Variants in RAPGEF4 observed in about 807,000 individuals in gnomAD.
RAPGEF4 encodes RAP guanine-nucleotide-exchange factor (GEF) 4.
In RAPGEF4, 66 loss-of-function variants were observed where a neutral mutation model predicts 147.9. The ratio of observed to expected loss-of-function variants is 0.45; its 90% confidence interval spans 0.37 to 0.55. The LOEUF is 0.55. Ranked by LOEUF, RAPGEF4 falls within the 20% of genes least tolerant of loss-of-function variation. RAPGEF4 has a pLI of 0.00. For missense variants in RAPGEF4, 1,071 were observed against 1,257.3 expected (o/e 0.85, Z 2.24); for synonymous variants, 419 against 442.7 (o/e 0.95, Z 0.67).
chr2:172,860,394 G>T, intron 4 of RAPGEF4: 1 of 872,146 alleles, frequency 1.1e-6, no homozygotes, highest in Non-Finnish European at 1.4e-6. Context: ...GAAGCCTCAA[G>T]CATGTTTATT....
intron 30 of RAPGEF4, among the ~76,000 whole-genome samples, chr2:173,048,875 G>A (rs1436971486): frequency 1.3e-5 from 2 of 152,106 alleles, no homozygotes; most frequent in Non-Finnish European, 2.9e-5. Flanking sequence ...AATCACCATA[G>A]GAATATTATT....
chr2:172,766,770 C>T (rs1232278899), intron 1 of RAPGEF4, among the ~76,000 whole-genome samples: 1 of 152,086 alleles, frequency 6.6e-6, no homozygotes, highest in Non-Finnish European at 1.5e-5. Context: ...TAAATGGAAT[C>T]GTTTAATAGA....
chr2:172,919,922 A>G (rs925159257), intron 5 of RAPGEF4, among the ~76,000 whole-genome samples: 1 of 151,842 alleles, frequency 6.6e-6, no homozygotes, highest in Non-Finnish European at 1.5e-5. Context: ...CTTCCTTTGC[A>G]TGTTCACAGT....
At chr2:172,871,358 T>C (rs1223479656) in intron 4 of RAPGEF4, among the ~76,000 whole-genome samples, 1 of 152,200 alleles carries the variant, frequency 6.6e-6, no homozygotes, top group Admixed American at 6.5e-5. Context: ...GTGAGAAAGC[T>C]GACTCAAGGG....
At chr2:172,924,026 T>A (rs1467067077) in intron 6 of RAPGEF4, among the ~76,000 whole-genome samples, 1 of 152,212 alleles carries the variant, frequency 6.6e-6, no homozygotes, top group Non-Finnish European at 1.5e-5. Flanking sequence ...ATAAAGATTC[T>A]AAAGGAACAA....
At chr2:173,033,794 T>C (rs2105992322) in intron 26 of RAPGEF4, 120 bp from the exon 27 acceptor site, 1 of 881,824 alleles carries the variant, frequency 1.1e-6, no homozygotes, top group East Asian at 2.6e-5. Context: ...GTCTGGCCTG[T>C]CTCAGAGATG....
intron 1 of RAPGEF4, chr2:172,744,074 CTATTT>C (rs1463211284): frequency 1.1e-5 from 2 of 176,154 alleles, no homozygotes; most frequent in African/African-American, 4.8e-5. Flanking sequence ...TCTTGCTTTA[CTATTT>C]TATTTATGAT....
chr2:172,891,554 G>A (rs1697914288), intron 4 of RAPGEF4, among the ~76,000 whole-genome samples: 1 of 152,192 alleles, frequency 6.6e-6, no homozygotes, highest in African/African-American at 2.4e-5. Context: ...AAGTGTGACT[G>A]ATTCTAAGAA....
chr2:172,835,776 A>G (rs1690856638), intron 4 of RAPGEF4, among the ~76,000 whole-genome samples: 1 of 152,234 alleles, frequency 6.6e-6, no homozygotes, highest in South Asian at 2.1e-4. Flanking sequence ...TAAAAAATAT[A>G]CAATTTTCAA....
At chr2:172,953,578 G>A (rs1285766540) in intron 6 of RAPGEF4, among the ~76,000 whole-genome samples, 1 of 152,002 alleles carries the variant, frequency 6.6e-6, no homozygotes, top group Admixed American at 6.5e-5. Flanking sequence ...ACTATTAACT[G>A]TGTTCTCTCT....
intron 6 of RAPGEF4, among the ~76,000 whole-genome samples, chr2:172,948,593 A>G (rs72894131): frequency 6.6e-6 from 1 of 152,146 alleles, no homozygotes. Context: ...CTTGAAATTA[A>G]TGTGTTTTCC....
chr2:172,874,716 A>G (rs1178065114), intron 4 of RAPGEF4, among the ~76,000 whole-genome samples: 3 of 152,174 alleles, frequency 2.0e-5, no homozygotes, highest in Non-Finnish European at 4.4e-5. Flanking sequence ...ATACATGTGC[A>G]TGTGTCTTTA....
intron 3 of RAPGEF4, among the ~76,000 whole-genome samples, chr2:172,810,631 C>A (rs3769312): frequency 0.19 from 28,212 of 152,190 alleles, 2,848 homozygotes; most frequent in East Asian, 0.21. Context: ...GTGTGTGTTC[C>A]CATCAGCCCT....
At chr2:172,970,182 CTTTTT>C (rs71018527) in intron 10 of RAPGEF4, among the ~76,000 whole-genome samples, 3 of 140,062 alleles carry the variant, frequency 2.1e-5, no homozygotes, top group Non-Finnish European at 4.6e-5. Flanking sequence ...CACACACACC[CTTTTT>C]TTTTTTTTTT....
At chr2:173,019,480 G>A (rs1695836112) in intron 22 of RAPGEF4, among the ~76,000 whole-genome samples, 1 of 152,212 alleles carries the variant, frequency 6.6e-6, no homozygotes, top group African/African-American at 2.4e-5. Flanking sequence ...AGTTCATGCT[G>A]GCAAGAGTTT....
At chr2:172,860,852 T>C (rs1693963152) in intron 4 of RAPGEF4, among the ~76,000 whole-genome samples, 1 of 152,128 alleles carries the variant, frequency 6.6e-6, no homozygotes, top group Non-Finnish European at 1.5e-5. Flanking sequence ...CTTTTTATAT[T>C]CCAAAATTAA....
intron 26 of RAPGEF4, among the ~76,000 whole-genome samples, chr2:173,030,892 T>C (rs769849457): frequency 6.6e-6 from 1 of 152,212 alleles, no homozygotes; most frequent in South Asian, 2.1e-4. Flanking sequence ...CTAGAAAACA[T>C]CTTCATTTAT....
intron 18 of RAPGEF4, among the ~76,000 whole-genome samples, chr2:173,015,106 T>A (rs534268258): frequency 1.3e-5 from 2 of 152,338 alleles, no homozygotes; most frequent in East Asian, 3.9e-4. Context: ...GTAAAAAGTC[T>A]TGTGCAAGTG....
intron 1 of RAPGEF4, among the ~76,000 whole-genome samples, chr2:172,774,328 G>A (rs1321618620): frequency 6.6e-6 from 1 of 152,100 alleles, no homozygotes; most frequent in Admixed American, 6.5e-5. Flanking sequence ...GCCTTCCCAT[G>A]GTTAGCAGAA....
Sources: gnomAD v4.1 joint callset for allele counts (sites outside exome capture counted in the v4.1 genomes callset) on GRCh38, gnomAD v4.1.1 for gene constraint, MANE v1.5 for transcripts, NCBI Gene and HGNC (gene_info 2026-07-23, HGNC 2026-07-21) for gene names.